The following BLTP3B variants were observed in gnomAD, a reference collection of about 807,000 sequenced individuals.
BLTP3B encodes the protein bridge-like lipid transfer protein family member 3B.
the BLTP3B span, among the ~76,000 whole-genome samples, chr12:100,140,719 AAAAAAAAAAAATAT>A: frequency 4.2e-4 from 46 of 109,652 alleles, no homozygotes; most frequent in Admixed American, 6.7e-4. Flanking sequence ...AAAAAAAAAA[AAAAAAAAAAAATAT>A]ATATATATAT....
chr12:100,063,097 T>G, the BLTP3B span, among the ~76,000 whole-genome samples: 1 of 152,138 alleles, frequency 6.6e-6, no homozygotes, highest in Admixed American at 6.6e-5. Context: ...CAGCTCCGAC[T>G]CGGATGGACG....
chr12:100,098,739 T>TG, the BLTP3B span, among the ~76,000 whole-genome samples: 1,037 of 144,348 alleles, frequency 7.2e-3, 8 homozygotes, highest in African/African-American at 0.024. Context: ...CCATCTCTAC[T>TG]AAAAAAAAAA....
chr12:100,038,252 C>T, the BLTP3B span, among the ~76,000 whole-genome samples: 2 of 152,138 alleles, frequency 1.3e-5, no homozygotes, highest in Admixed American at 1.3e-4. Context: ...ATGATCTTAT[C>T]TCTCATGGCT....
chr12:100,054,144 A>G, the BLTP3B span, among the ~76,000 whole-genome samples: 8 of 152,170 alleles, frequency 5.3e-5, no homozygotes, highest in African/African-American at 1.9e-4. Flanking sequence ...ATTATAAACA[A>G]TCTAAACATC....
chr12:100,108,460 C>T, the BLTP3B span: 1 of 1,613,708 alleles, frequency 6.2e-7, no homozygotes, highest in Non-Finnish European at 8.5e-7. Context: ...TTCTGGAGTA[C>T]TTCTTCATCC....
At chr12:100,043,264 A>C in the BLTP3B span, among the ~76,000 whole-genome samples, 2 of 152,230 alleles carry the variant, frequency 1.3e-5, no homozygotes, top group Non-Finnish European at 2.9e-5. Flanking sequence ...ATATATTTAA[A>C]GTATGCCTGC....
chr12:100,057,127 A>C, the BLTP3B span, among the ~76,000 whole-genome samples: 2 of 152,240 alleles, frequency 1.3e-5, no homozygotes, highest in African/African-American at 4.8e-5. Context: ...CATGCAAATT[A>C]AGCCCACCTA....
At chr12:100,113,596 G>C in the BLTP3B span, among the ~76,000 whole-genome samples, 1 of 152,130 alleles carries the variant, frequency 6.6e-6, no homozygotes, top group African/African-American at 2.4e-5. Context: ...GATTAACTCA[G>C]AACATGTAAA....
At chr12:100,082,045 C>A in the BLTP3B span, among the ~76,000 whole-genome samples, 3 of 152,174 alleles carry the variant, frequency 2.0e-5, no homozygotes, top group African/African-American at 7.2e-5. Flanking sequence ...TATAAGCATT[C>A]CCTTTTCTCC....
the BLTP3B span, among the ~76,000 whole-genome samples, chr12:100,140,763 T>C: frequency 1.2e-5 from 1 of 80,286 alleles, no homozygotes. Context: ...TAAAATAAAA[T>C]AAAAACTAGC....
chr12:100,041,882 A>G, the BLTP3B span, among the ~76,000 whole-genome samples: 5 of 152,166 alleles, frequency 3.3e-5, no homozygotes, highest in Non-Finnish European at 7.4e-5. Flanking sequence ...AAAACTAAGG[A>G]AACAACTAAA....
chr12:100,053,701 T>G, the BLTP3B span, among the ~76,000 whole-genome samples: 1 of 152,110 alleles, frequency 6.6e-6, no homozygotes, highest in Non-Finnish European at 1.5e-5. Context: ...TAGTTACTTC[T>G]GCAGTGGGGA....
chr12:100,059,700 T>G, the BLTP3B span: 1 of 1,094,854 alleles, frequency 9.1e-7, no homozygotes, highest in South Asian at 1.7e-5. Context: ...CTTATTAAAT[T>G]GAGTAAAGGG....
chr12:100,108,583 G>A, the BLTP3B span: 2 of 1,557,696 alleles, frequency 1.3e-6, no homozygotes, highest in Non-Finnish European at 1.7e-6. Context: ...TTATTTATGT[G>A]TCAGTTACTA....
chr12:100,095,373 T>C, the BLTP3B span, among the ~76,000 whole-genome samples: 1 of 152,220 alleles, frequency 6.6e-6, no homozygotes. Flanking sequence ...GCTTTTACTT[T>C]AGTAGTTTTA....
chr12:100,102,355 A>G, the BLTP3B span, among the ~76,000 whole-genome samples: 1 of 149,820 alleles, frequency 6.7e-6, no homozygotes, highest in African/African-American at 2.5e-5. Context: ...CAGGGAATCC[A>G]CCCGCCTCGG....
At chr12:100,140,406 T>A in the BLTP3B span, among the ~76,000 whole-genome samples, 1 of 151,236 alleles carries the variant, frequency 6.6e-6, no homozygotes, top group Admixed American at 6.6e-5. Context: ...TCATACAGAT[T>A]TAGAAACTAA....
At chr12:100,058,990 A>G in the BLTP3B span, 1 of 1,614,150 alleles carries the variant, frequency 6.2e-7, no homozygotes, top group African/African-American at 1.3e-5. Context: ...TTCCGCTTCA[A>G]TCGGCCAGCC....
the BLTP3B span, among the ~76,000 whole-genome samples, chr12:100,109,600 C>G: frequency 2.0e-5 from 3 of 151,942 alleles, no homozygotes; most frequent in Non-Finnish European, 4.4e-5. Context: ...CTGGTCTCTA[C>G]TAAAAATACA....
Sources: gnomAD v4.1 joint callset for allele counts (sites outside exome capture counted in the v4.1 genomes callset) on GRCh38, gnomAD v4.1.1 for gene constraint, MANE v1.5 for transcripts, NCBI Gene and HGNC (gene_info 2026-07-23, HGNC 2026-07-21) for gene names.